Variants in CAPN2 observed in about 807,000 individuals in gnomAD.
CAPN2 encodes calpain-2 catalytic subunit.
In CAPN2, 92 loss-of-function variants were observed where a neutral mutation model predicts 102.3. The ratio of observed to expected loss-of-function variants is 0.90; its 90% confidence interval spans 0.76 to 1.07. The LOEUF (loss-of-function observed/expected upper bound fraction) is 1.07. CAPN2 is among the 50% of genes least tolerant of loss of function. The pLI, the probability that CAPN2 is intolerant of heterozygous loss-of-function variation, is 0.00. For synonymous variants in CAPN2, 340 were observed against 355.4 expected, an observed-to-expected ratio of 0.96 and a Z score of 0.49; for missense variants, 800 against 909.4, an observed-to-expected ratio of 0.88 and a Z score of 1.55.
chr1:223,718,344 A>G (rs1303963975), intron 2 of CAPN2, among the ~76,000 whole-genome samples: 1 of 152,260 alleles, frequency 6.6e-6, no homozygotes, highest in African/African-American at 2.4e-5. Flanking sequence ...TTGCAAGACA[A>G]GCTCACCATG....
chr1:223,731,159 C>A lies in CAPN2; in HGVS notation c.308-12941C>A, dbSNP rs1660325923. Among the ~76,000 whole-genome samples, 1 of 152,056 alleles carries A rather than the reference C, an allele frequency of 6.6e-6. No individual in the cohort carries two copies. ...GAGGGAGAGTTGGAAGGAAGGTTTC[C>A]CACAAAGAGGAAGCAGGGAGTGATT... On this transcript the variant is annotated intron_variant, in intron 2 of 20. Coordinates refer to ENST00000295006, the MANE Select transcript of CAPN2 (RefSeq NM_001748.5). This position sits in a 1 kb window ranked among gnomAD's most constrained non-coding sequence, Gnocchi z 4.2.
intron 1 of CAPN2, among the ~76,000 whole-genome samples, chr1:223,714,957 G>T (rs1233058344): frequency 6.6e-6 from 1 of 152,224 alleles, no homozygotes; most frequent in Non-Finnish European, 1.5e-5. Context: ...AACTAAGGAA[G>T]AGTGTGACTT....
intron 1 of CAPN2, among the ~76,000 whole-genome samples, chr1:223,716,930 T>A (rs1289032922): frequency 1.3e-5 from 2 of 152,144 alleles, no homozygotes; most frequent in African/African-American, 4.8e-5. Context: ...GTTGGCGCAT[T>A]TGATCAGTAA....
At chr1:223,768,608 A>G (rs542061746) in intron 16 of CAPN2, among the ~76,000 whole-genome samples, 9 of 151,732 alleles carry the variant, frequency 5.9e-5, no homozygotes, top group Admixed American at 5.9e-4. Context: ...TATAGTTTGA[A>G]GTCAGGTAGT....
chr1:223,753,347 T>C (rs1660954012), intron 9 of CAPN2, among the ~76,000 whole-genome samples: 3 of 152,212 alleles, frequency 2.0e-5, no homozygotes, highest in Admixed American at 2.0e-4. Flanking sequence ...CAGCCGAGCC[T>C]ACAAGGGAAC....
In CAPN2 at chr1:223,727,420, C is replaced by T. The variant is rs28370038; in HGVS notation, c.307+9589C>T. On this transcript the variant is annotated intron_variant, in intron 2 of 20. Coordinates refer to ENST00000295006, the MANE Select transcript of CAPN2 (RefSeq NM_001748.5). The surrounding 1 kb of genome is among the most constrained non-coding windows in gnomAD (Gnocchi z 4.1). ...GTGCCACTCAAAAATGTCTGCAGAC[C>T]TTGCCAAATGTCCCCTGGGGGCTTG... is the stretch of plus-strand genomic sequence containing the variant. 1.3e-5 allele frequency among the ~76,000 whole-genome samples: 2 copies of T among 152,250 alleles called. No homozygotes were observed. Among genetic ancestry groups the T allele is most frequent in the South Asian group, 4.2e-4 (2 of 4,818 alleles).
chr1:223,761,559 C>T, intron 12 of CAPN2, 22 bp from the exon 13 acceptor site: 1 of 1,609,044 alleles, frequency 6.2e-7, no homozygotes, highest in Non-Finnish European at 8.5e-7. Flanking sequence ...TCCAGTAACA[C>T]ATAATTTCCT....
At position 223,771,917 on chromosome 1, in the gene CAPN2, C is replaced by T. The variant is rs757074835; in HGVS notation, c.2012C>T (p.Thr671Met). ...GTTCGGTGTTTGGTTCGGCTGGAAA[C>T]GCTATTCAGTAAGTGGATATTTGGG... is the stretch of plus-strand genomic sequence containing the variant. ...NFVRCLVRLE[T>M]LFKIFKQLDP... The change falls in exon 19 of 21, where the codon ACG becomes ATG. Residue 671 changes from threonine (T) to methionine (M), a missense_variant. Coordinates refer to ENST00000295006, the MANE Select transcript of CAPN2 (RefSeq NM_001748.5). 11 of 1,607,486 alleles carry T rather than the reference C, an allele frequency of 6.8e-6. No individual in the cohort carries two copies. Among genetic ancestry groups the T allele is most frequent in the Admixed American group, 3.3e-5 (2 of 60,008 alleles).
At chr1:223,724,214 T>C (rs1431188060) in intron 2 of CAPN2, among the ~76,000 whole-genome samples, 1 of 152,178 alleles carries the variant, frequency 6.6e-6, no homozygotes, top group East Asian at 1.9e-4. Flanking sequence ...ATCTCCACCT[T>C]GTTCAGCACC....
rs1282340389 is a variant in CAPN2, at chr1:223,725,259, TGTA to T, written c.307+7431_307+7433del. On this transcript the variant is annotated intron_variant, in intron 2 of 20. Transcript: ENST00000295006. The surrounding 1 kb of genome is among the most constrained non-coding windows in gnomAD (Gnocchi z 4.1). ...TTAGCCGGGCGTGGTGGCATGCACT[TGTA>T]GTCCCAGCTACTCAGGAGGCTGAGG... Among the ~76,000 whole-genome samples the T allele has an allele frequency of 6.6e-6, 1 of 152,110 alleles. No homozygotes were observed. The highest frequency in any genetic ancestry group is 1.5e-5 in the Non-Finnish European group (1 of 68,024).
chr1:223,756,441 CTT>C lies in CAPN2; in HGVS notation c.1305+795_1305+796del, dbSNP rs1343372551. Among the ~76,000 whole-genome samples the C allele has an allele frequency of 6.6e-6, 1 of 152,206 alleles. No individual in the cohort carries two copies. Among genetic ancestry groups the C allele is most frequent in the Non-Finnish European group, 1.5e-5 (1 of 68,040 alleles). On this transcript the variant is annotated intron_variant, in intron 10 of 20. Transcript: ENST00000295006. The surrounding 1 kb of genome is among the most constrained non-coding windows in gnomAD (Gnocchi z 4.1). ...TCCTCCCGGCTCCCAAAGCCCATCT[CTT>C]TTCTCTGACCCATGTCTGCTGAGGT...
At chr1:223,723,556 A>G (rs1660111421) in intron 2 of CAPN2, among the ~76,000 whole-genome samples, 1 of 151,946 alleles carries the variant, frequency 6.6e-6, no homozygotes, top group Admixed American at 6.6e-5. Flanking sequence ...ATGCTCTTGC[A>G]CTTTTCTCCC....
intron 2 of CAPN2, among the ~76,000 whole-genome samples, chr1:223,736,513 C>T (rs992733975): frequency 7.2e-5 from 11 of 152,288 alleles, no homozygotes; most frequent in Middle Eastern, 6.8e-3. Context: ...ATCTCAGTTC[C>T]AACCTAACCA....
In CAPN2 at chr1:223,775,762, A is replaced by G. The variant is rs1190815712; in HGVS notation, c.*905A>G. The G allele has an allele frequency of 6.6e-6, 1 of 152,650 alleles. No homozygotes were observed. Among genetic ancestry groups the G allele is most frequent in the Admixed American group, 6.5e-5 (1 of 15,280 alleles). 9.5% of individuals were successfully genotyped at this position (152,650 alleles called of 1,614,324 possible). A position where few individuals can be genotyped will look rare whatever the true frequency, so the allele number is the denominator to read the frequency against. On this transcript the variant is annotated 3_prime_UTR_variant, in exon 21 of 21. Transcript: ENST00000295006. Reference sequence around the variant, plus strand: ...TTTACCTTGGGAAAATGCTAGCAACATTATAGAAATTTTGCCTTGTTGCCT... The same window carrying G: ...TTTACCTTGGGAAAATGCTAGCAACGTTATAGAAATTTTGCCTTGTTGCCT...
chr1:223,770,866 A>AG (rs1436763425), intron 18 of CAPN2: 1 of 192,994 alleles, frequency 5.2e-6, no homozygotes, highest in East Asian at 1.4e-4. Context: ...CTCAGCCCTT[A>AG]GGGTAAGACC....
intron 18 of CAPN2, 32 bp from the exon 19 acceptor site, chr1:223,771,777 A>G: frequency 7.7e-7 from 1 of 1,295,024 alleles, no homozygotes; most frequent in Non-Finnish European, 1.1e-6. Context: ...TCTAATGCTT[A>G]GCAATGAGTT....
chr1:223,747,119 T>C lies in CAPN2; in HGVS notation c.683T>C (p.Ile228Thr), dbSNP rs1660769100. 1 of 1,613,996 alleles carries C rather than the reference T, an allele frequency of 6.2e-7. No individual in the cohort carries two copies. Among genetic ancestry groups the C allele is most frequent in the Non-Finnish European group, 8.5e-7 (1 of 1,179,932 alleles). The change falls in exon 5 of 21, where the codon ATC (isoleucine) becomes ACC (threonine). Residue 228 changes from isoleucine (I) to threonine (T), a missense_variant. Coordinates refer to ENST00000295006, the MANE Select transcript of CAPN2 (RefSeq NM_001748.5). Reference protein sequence around the residue: ...KKPPPNLFKIIQKALQKGSLL... With the variant: ...KKPPPNLFKITQKALQKGSLL... ...CCCCCTCCCAACCTGTTCAAGATCA[T>C]CCAGAAAGCTCTGCAAAAAGGCTCT...
intron 1 of CAPN2, among the ~76,000 whole-genome samples, chr1:223,715,916 A>C (rs190332226): frequency 7.2e-5 from 11 of 152,334 alleles, no homozygotes; most frequent in Non-Finnish European, 1.0e-4. Context: ...GCATGTTTAC[A>C]TCATTATCTC....
chr1:223,761,429 C>T (rs1365035066), intron 12 of CAPN2, 152 bp from the exon 13 acceptor site: 1 of 524,876 alleles, frequency 1.9e-6, no homozygotes, highest in African/African-American at 1.9e-5. Context: ...ATCACAGAAA[C>T]TTGGAATACA....
Sources: gnomAD v4.1 joint callset for allele counts (sites outside exome capture counted in the v4.1 genomes callset) on GRCh38, gnomAD v4.1.1 for gene constraint, Gnocchi (gnomAD v3.1) non-coding constraint, MANE v1.5 for transcripts, NCBI Gene and HGNC (gene_info 2026-07-23, HGNC 2026-07-21) for gene names.